Variants in DOCK10 observed in about 807,000 individuals in gnomAD.
DOCK10 encodes dedicator of cytokinesis protein 10.
In DOCK10, 145 loss-of-function variants were observed where a neutral mutation model predicts 280.1. That is an observed-to-expected ratio of 0.52 (90% CI 0.45 to 0.59). DOCK10 has a LOEUF of 0.59. DOCK10 is among the 20% of genes least tolerant of loss of function. The pLI, the probability that DOCK10 is intolerant of heterozygous loss-of-function variation, is 0.00. For missense variants in DOCK10, 2,368 were observed against 2,651.7 expected (o/e 0.89, Z 2.35); for synonymous variants, 915 against 942.2 (o/e 0.97, Z 0.53).
In DOCK10 at chr2:224,795,142, G is replaced by A. The variant is rs756715356; in HGVS notation, c.4939-48C>T. 3.3e-6 allele frequency: 5 copies of A among 1,535,692 alleles called. No individual in the cohort carries two copies. In the South Asian group the frequency reaches 4.5e-5, roughly 14 times the overall value. Reference sequence around the variant, plus strand: ...GTCATTATCTGTTTAGAATCTATAGGTTAACTGACTTTAAGTTATGCTATT... The same window carrying A: ...GTCATTATCTGTTTAGAATCTATAGATTAACTGACTTTAAGTTATGCTATT... On this transcript the variant is annotated intron_variant, in intron 44 of 55. Transcript: ENST00000258390.
chr2:224,905,010 C>T (rs890197703), intron 3 of DOCK10, among the ~76,000 whole-genome samples: 9 of 152,054 alleles, frequency 5.9e-5, no homozygotes, highest in African/African-American at 1.4e-4. Context: ...ATGTTTAGGA[C>T]GCAAGTCTTA....
chr2:225,019,271 T>C (rs948517563), intron 1 of DOCK10, among the ~76,000 whole-genome samples: 1 of 152,104 alleles, frequency 6.6e-6, no homozygotes, highest in Non-Finnish European at 1.5e-5. Context: ...GCTGTCACCC[T>C]GACCACATGA....
intron 11 of DOCK10, among the ~76,000 whole-genome samples, chr2:224,867,516 G>A (rs1371577431): frequency 6.6e-6 from 1 of 152,190 alleles, no homozygotes; most frequent in East Asian, 1.9e-4. Context: ...CCCAGGCTAG[G>A]AAGTGGAAGA....
At chr2:224,932,742 A>C (rs1263959434) in intron 1 of DOCK10, among the ~76,000 whole-genome samples, 2 of 152,130 alleles carry the variant, frequency 1.3e-5, no homozygotes, top group Admixed American at 6.5e-5. Flanking sequence ...CACACATGCC[A>C]CCCTTCCTCA....
chr2:224,968,497 G>T (rs1575129488), intron 1 of DOCK10, among the ~76,000 whole-genome samples: 2 of 152,194 alleles, frequency 1.3e-5, no homozygotes, highest in Admixed American at 1.3e-4. Flanking sequence ...TAATCCACTT[G>T]GTATTGAGTA....
intron 53 of DOCK10, among the ~76,000 whole-genome samples, chr2:224,772,866 C>T (rs756456297): frequency 3.3e-5 from 5 of 152,116 alleles, no homozygotes; most frequent in African/African-American, 4.8e-5. Flanking sequence ...TTAGTTAATT[C>T]ATTTGTTAGT....
At chr2:225,000,003 C>G (rs1040928054) in intron 1 of DOCK10, among the ~76,000 whole-genome samples, 1 of 152,196 alleles carries the variant, frequency 6.6e-6, no homozygotes, top group African/African-American at 2.4e-5. Context: ...GAAGCAGGAA[C>G]TGCTGAATTG....
At position 224,938,754 on chromosome 2, in the gene DOCK10, C is replaced by T. The variant is rs183985593; in HGVS notation, c.124-7086G>A. 1.7e-4 allele frequency among the ~76,000 whole-genome samples: 26 copies of T among 152,264 alleles called. No individual in the cohort carries two copies. The East Asian group carries it at 1.7e-3, about 10-fold the overall frequency. ...TTGTGTTTAAAACAAATGAGAAGAT[C>T]GGAGAAAGTCCATACAGCTGGATGC... On this transcript the variant is annotated intron_variant, in intron 1 of 55. Coordinates refer to ENST00000258390, the MANE Select transcript of DOCK10 (RefSeq NM_014689.3).
chr2:224,948,424 T>C (rs898472420), intron 1 of DOCK10, among the ~76,000 whole-genome samples: 1 of 152,246 alleles, frequency 6.6e-6, no homozygotes, highest in East Asian at 1.9e-4. Flanking sequence ...ATTTGATATT[T>C]AGAAATTCCA....
chr2:224,810,753 C>A (rs1441831287), intron 31 of DOCK10, among the ~76,000 whole-genome samples: 1 of 150,070 alleles, frequency 6.7e-6, no homozygotes, highest in Non-Finnish European at 1.5e-5. Context: ...TTTGTCCTTG[C>A]GATAGTTTGC....
intron 15 of DOCK10, among the ~76,000 whole-genome samples, chr2:224,855,824 T>C (rs1697091769): frequency 6.6e-6 from 1 of 152,232 alleles, no homozygotes; most frequent in African/African-American, 2.4e-5. Context: ...TTTAGGAATT[T>C]TGCTTGACAG....
intron 31 of DOCK10, among the ~76,000 whole-genome samples, chr2:224,813,370 A>G (rs1315780018): frequency 6.6e-6 from 1 of 151,966 alleles, no homozygotes; most frequent in Non-Finnish European, 1.5e-5. Flanking sequence ...TGATTTTTCT[A>G]TTTTTAGTAG....
chr2:224,821,388 G>T (rs1435915521), intron 28 of DOCK10, among the ~76,000 whole-genome samples: 1 of 152,182 alleles, frequency 6.6e-6, no homozygotes, highest in East Asian at 1.9e-4. Context: ...ACTATTGTTT[G>T]CTGGAAATAT....
At chr2:225,001,505 G>T (rs1054804269) in intron 1 of DOCK10, among the ~76,000 whole-genome samples, 1 of 151,920 alleles carries the variant, frequency 6.6e-6, no homozygotes, top group Non-Finnish European at 1.5e-5. Context: ...AGCCAGGATG[G>T]TCTTGATCTC....
intron 47 of DOCK10, among the ~76,000 whole-genome samples, chr2:224,790,392 T>C (rs1474712168): frequency 6.6e-6 from 1 of 152,190 alleles, no homozygotes; most frequent in Non-Finnish European, 1.5e-5. Context: ...AGCACCTAAC[T>C]CACAGATTTG....
At position 224,828,856 on chromosome 2, in the gene DOCK10, G is replaced by A. The variant is rs557927282; in HGVS notation, c.3036+1685C>T. ...AAACAGAGAGCAACCAACAATGGTG[G>A]TACATCATATTAACAAAGAAGGCAA... On this transcript the variant is annotated intron_variant, in intron 27 of 55. Transcript: ENST00000258390. Among the ~76,000 whole-genome samples the A allele has an allele frequency of 3.3e-5, 5 of 152,284 alleles. No individual in the cohort carries two copies. In the South Asian group the frequency reaches 1.0e-3, roughly 32 times the overall value.
At chr2:224,835,921 TA>T (rs768499538) in intron 25 of DOCK10, among the ~76,000 whole-genome samples, 3 of 150,324 alleles carry the variant, frequency 2.0e-5, no homozygotes, top group Non-Finnish European at 4.5e-5. Flanking sequence ...GTATTTCAGA[TA>T]CCCTGGTTAA....
chr2:224,796,304 A>G lies in DOCK10; in HGVS notation c.4938+12T>C. On this transcript the variant is annotated intron_variant, in intron 44 of 55. Transcript: ENST00000258390. ...AAAATTCTGCAGTAAAAGCCCACAA[A>G]GCATTTCTTACTTTCATTTGCTTAT... 1 of 1,506,512 alleles carries G rather than the reference A, an allele frequency of 6.6e-7. No individual in the cohort carries two copies. The highest frequency in any genetic ancestry group is 1.2e-5 in the South Asian group (1 of 82,778). The allele number at this position is 1,506,512 out of a possible 1,614,324, so 93.3% of individuals were successfully genotyped here. A position where few individuals can be genotyped will look rare whatever the true frequency, so the allele number is the denominator to read the frequency against.
At chr2:224,799,947 C>T (rs1452303463) in intron 41 of DOCK10, among the ~76,000 whole-genome samples, 1 of 152,074 alleles carries the variant, frequency 6.6e-6, no homozygotes, top group African/African-American at 2.4e-5. Context: ...GAAATGCACA[C>T]GTGTACATAT....
Sources: allele counts gnomAD v4.1 joint callset (sites outside exome capture counted in the v4.1 genomes callset), GRCh38; gene constraint gnomAD v4.1.1; transcripts MANE v1.5; gene names NCBI Gene and HGNC (gene_info 2026-07-23, HGNC 2026-07-21).